The following RAB11A variants were observed in gnomAD, a reference collection of about 807,000 sequenced individuals.
The protein encoded by RAB11A is RAB11A, member RAS oncogene family.
A neutral mutation model predicts 28.0 loss-of-function variants in RAB11A; 9 were observed. The ratio of observed to expected loss-of-function variants is 0.32; its 90% CI spans 0.19 to 0.56. RAB11A has a LOEUF of 0.56. RAB11A is among the 20% of genes least tolerant of loss of function. RAB11A has a pLI of 0.91. For synonymous variants in RAB11A, 85 were observed against 88.2 expected (o/e 0.96, Z 0.20); for missense variants, 108 against 269.6 (o/e 0.40, Z 4.20).
At position 65,869,618 on chromosome 15, in the gene RAB11A, C is replaced by G. The variant is rs750861690; in HGVS notation, c.33C>G (p.Leu11=). 5.0e-6 allele frequency: 8 copies of G among 1,611,826 alleles called. No homozygotes were observed. Among genetic ancestry groups the G allele is most frequent in the Non-Finnish European group, 6.8e-6 (8 of 1,179,866 alleles). Residue 11 remains leucine (L), a synonymous_variant, in exon 1 of 5, where the codon CTC becomes CTG. Coordinates refer to ENST00000261890, the MANE Select transcript of RAB11A (RefSeq NM_004663.5). MGTRDDEYDY[L]FKVVLIGDSG... ...CCCGCGACGACGAGTACGACTACCT[C>G]TTTAAAGGTGAGGCCATGGGCTCTC...
intron 3 of RAB11A, among the ~76,000 whole-genome samples, chr15:65,878,555 T>TGTA (rs1343741482): frequency 6.6e-6 from 1 of 152,140 alleles, no homozygotes; most frequent in East Asian, 1.9e-4. Flanking sequence ...GGCGGGCGCC[T>TGTA]GTAGTCCCAG....
chr15:65,877,307 G>A lies in RAB11A; in HGVS notation c.41-25G>A. 6.4e-7 allele frequency: 1 copy of A among 1,573,142 alleles called. No homozygotes were observed. The highest frequency in any genetic ancestry group is 8.7e-7 in the Non-Finnish European group (1 of 1,150,346). On this transcript the variant is annotated intron_variant, in intron 1 of 4. Coordinates refer to ENST00000261890, the MANE Select transcript of RAB11A (RefSeq NM_004663.5). This position sits in a 1 kb window ranked among gnomAD's most constrained non-coding sequence, Gnocchi z 4.1. The stretch of plus-strand genomic sequence containing the variant: ...CTGAATATGTTTGCCTCATTCATCT[G>A]ACATTGAATTCTTTGTCTTTCCAGT...
intron 1 of RAB11A, among the ~76,000 whole-genome samples, chr15:65,870,504 CTCTT>C (rs1245367435): frequency 6.6e-6 from 1 of 152,250 alleles, no homozygotes; most frequent in East Asian, 1.9e-4. Flanking sequence ...CCCGGGATAA[CTCTT>C]TACTCGGTTC....
intron 1 of RAB11A, among the ~76,000 whole-genome samples, chr15:65,871,415 A>G (rs1164461691): frequency 6.6e-6 from 1 of 152,204 alleles, no homozygotes; most frequent in Non-Finnish European, 1.5e-5. Context: ...GATGATGTGA[A>G]ACTATTTGAA....
chr15:65,872,104 C>G (rs917566147), intron 1 of RAB11A, among the ~76,000 whole-genome samples: 5 of 151,344 alleles, frequency 3.3e-5, no homozygotes, highest in Non-Finnish European at 7.4e-5. Flanking sequence ...CAGGAGCGCG[C>G]CACCACGCCC....
intron 3 of RAB11A, chr15:65,878,157 T>A (rs1341605255): frequency 3.4e-5 from 22 of 651,524 alleles, no homozygotes; most frequent in Non-Finnish European, 4.4e-5. Flanking sequence ...AAAAAATGAA[T>A]ATAAACATTG....
chr15:65,873,791 C>T (rs903675170), intron 1 of RAB11A, among the ~76,000 whole-genome samples: 2 of 151,848 alleles, frequency 1.3e-5, no homozygotes, highest in East Asian at 1.9e-4. Flanking sequence ...GGTCTCCCTA[C>T]GTTGCCCAGG....
In RAB11A at chr15:65,886,900, A is replaced by G. The variant is rs554888810; in HGVS notation, c.512-801A>G. 9.7e-4 allele frequency among the ~76,000 whole-genome samples: 148 copies of G among 152,320 alleles called. 1 individual carries two copies. The South Asian group carries it at 0.021, about 22-fold the overall frequency. On this transcript the variant is annotated intron_variant, in intron 4 of 4. Coordinates refer to ENST00000261890, the MANE Select transcript of RAB11A (RefSeq NM_004663.5). The stretch of plus-strand genomic sequence containing the variant: ...GTTGCCTATTTTGTATCATTCTTTA[A>G]TTACAATTTAAGTTTTGTTCAGGAG...
At chr15:65,869,735 C>T in intron 1 of RAB11A, 110 bp downstream of exon 1, 4 of 1,188,812 alleles carry the variant, frequency 3.4e-6, no homozygotes, top group Non-Finnish European at 4.6e-6. Flanking sequence ...CTCCCTCAGC[C>T]CTTCCTTTTT....
At chr15:65,878,540 G>A (rs529464804) in intron 3 of RAB11A, among the ~76,000 whole-genome samples, 6 of 152,288 alleles carry the variant, frequency 3.9e-5, no homozygotes, top group South Asian at 2.1e-4. Flanking sequence ...AAAACCGGGC[G>A]CGGTGGCGGG....
Position 65,877,865 on chromosome 15 carries a change from G to T in RAB11A, c.340G>T (p.Asp114Tyr). The T allele has an allele frequency of 6.2e-7, 1 of 1,613,040 alleles. No homozygotes were observed. Among genetic ancestry groups the T allele is most frequent in the Non-Finnish European group, 8.5e-7 (1 of 1,178,978 alleles). Reference protein sequence around the residue: ...RWLKELRDHADSNIVIMLVGN... With the variant: ...RWLKELRDHAYSNIVIMLVGN... Reference sequence around the variant, plus strand: ...GCTGAAAGAACTGAGAGATCATGCTGATAGTAACATTGTTATCATGCTTGT... The same window carrying T: ...GCTGAAAGAACTGAGAGATCATGCTTATAGTAACATTGTTATCATGCTTGT... The change falls in exon 3 of 5, where the codon GAT (aspartate) becomes TAT (tyrosine). Residue 114 changes from aspartate to tyrosine, a missense_variant. Physicochemically the swap from Asp to Tyr is radical, Grantham distance 160. Around this residue, in one of 2 missense-constraint regions of RAB11A, gnomAD observed 85 missense variants for 145.9 expected, o/e 0.58. Transcript: ENST00000261890. The surrounding 1 kb of genome is among the most constrained non-coding windows in gnomAD (Gnocchi z 4.1).
intron 1 of RAB11A, among the ~76,000 whole-genome samples, chr15:65,874,834 C>T (rs2078182500): frequency 1.3e-5 from 2 of 151,782 alleles, no homozygotes; most frequent in Non-Finnish European, 2.9e-5. Context: ...TCTTTTGAGC[C>T]CTGGAGTTTG....
At chr15:65,880,918 C>T (rs187377180) in intron 4 of RAB11A, among the ~76,000 whole-genome samples, 83 of 152,158 alleles carry the variant, frequency 5.5e-4, no homozygotes, top group Non-Finnish European at 7.8e-4. Context: ...GGTTTTTTGT[C>T]TCAGTAACCC....
chr15:65,869,880 C>T, intron 1 of RAB11A: 1 of 356,688 alleles, frequency 2.8e-6, no homozygotes. Flanking sequence ...TGTCCTTCCC[C>T]TGGCGGACTG....
rs1567141439 is a variant in RAB11A, at chr15:65,891,202, T to G, written c.*3362T>G. On this transcript the variant is annotated 3_prime_UTR_variant, in exon 5 of 5. Coordinates refer to ENST00000261890, the MANE Select transcript of RAB11A (RefSeq NM_004663.5). ...GTTGTCATTCTAATGTTTTAAAGAA[T>G]GATTGGGTTCCCCCAAACTGTAGGA... The G allele has an allele frequency of 6.6e-6, 1 of 152,224 alleles. No homozygotes were observed. Among genetic ancestry groups the G allele is most frequent in the Non-Finnish European group, 1.5e-5 (1 of 68,034 alleles). The allele number at this position is 152,224 out of a possible 1,614,324, so 9.4% of individuals were successfully genotyped here.
Position 65,869,534 on chromosome 15 carries a change from T to C in RAB11A, c.-52T>C. On this transcript the variant is annotated 5_prime_UTR_variant, in exon 1 of 5. Coordinates refer to ENST00000261890, the MANE Select transcript of RAB11A (RefSeq NM_004663.5). ...GGGTTACCCCTGCAGCGACGCCCCC[T>C]GGTCCCACAGATACCACTGCTGCTC... 6.3e-7 allele frequency: 1 copy of C among 1,598,364 alleles called. No individual in the cohort carries two copies. The highest frequency in any genetic ancestry group is 8.5e-7 in the Non-Finnish European group (1 of 1,174,164).
chr15:65,875,026 C>T (rs558653148), intron 1 of RAB11A, among the ~76,000 whole-genome samples: 6 of 151,776 alleles, frequency 4.0e-5, no homozygotes, highest in South Asian at 2.1e-4. Flanking sequence ...CCAGCCTGGG[C>T]GACAGTGAGA....
chr15:65,869,636 G>T lies in RAB11A; in HGVS notation c.40+11G>T. 6.2e-7 allele frequency: 1 copy of T among 1,611,052 alleles called. No homozygotes were observed. Among genetic ancestry groups the T allele is most frequent in the Non-Finnish European group, 8.5e-7 (1 of 1,179,524 alleles). ...ACTACCTCTTTAAAGGTGAGGCCAT[G>T]GGCTCTCGCACTCTACACAGTCCTC... On this transcript the variant is annotated intron_variant, in intron 1 of 4. Coordinates refer to ENST00000261890, the MANE Select transcript of RAB11A (RefSeq NM_004663.5).
intron 4 of RAB11A, among the ~76,000 whole-genome samples, chr15:65,885,157 A>T (rs1236544652): frequency 7.0e-6 from 1 of 141,940 alleles, no homozygotes; most frequent in Non-Finnish European, 1.5e-5. Context: ...TTTTTGAGAC[A>T]GTGTGCTCTG....
Sources: gnomAD v4.1 joint callset for allele counts (sites outside exome capture counted in the v4.1 genomes callset) on GRCh38, gnomAD v4.1.1 for gene constraint, gnomAD v4.1.1 regional missense constraint, Gnocchi (gnomAD v3.1) non-coding constraint, MANE v1.5 for transcripts, NCBI Gene and HGNC (gene_info 2026-07-23, HGNC 2026-07-21) for gene names.